PRSS41: variants seen among roughly 807,000 people sequenced by gnomAD.
PRSS41 encodes the protein protease, serine 41.
In PRSS41, 37 loss-of-function variants were observed where a neutral mutation model predicts 28.8. The observed-to-expected ratio is 1.29, with a 90% CI of 0.99 to 1.69. The LOEUF is 1.69. PRSS41 is among the 40% of genes most tolerant of loss of function. PRSS41 has a pLI of 0.00. For missense variants in PRSS41, 431 were observed against 400.7 expected (o/e 1.08, Z -0.65); for synonymous variants, 195 against 163.1 (o/e 1.20, Z -1.49).
At chr16:2,798,996 G>A in exon 3 of PRSS41, 6 of 1,532,028 alleles carry the variant, frequency 3.9e-6, no homozygotes, top group Non-Finnish European at 4.4e-6. Context: ...CGCTGGTGGC[G>A]GGCGGAGTGG....
chr16:2,802,497 T>C (rs1048677472), intron 4 of PRSS41, among the ~76,000 whole-genome samples: 1 of 152,146 alleles, frequency 6.6e-6, no homozygotes, highest in Admixed American at 6.5e-5. Context: ...GGGCAGAGGC[T>C]GCAATCTCGG....
intron 4 of PRSS41, among the ~76,000 whole-genome samples, chr16:2,801,756 G>T (rs1439093463): frequency 6.6e-6 from 1 of 151,926 alleles, no homozygotes; most frequent in Non-Finnish European, 1.5e-5. Context: ...ACACAGACAC[G>T]GCAACCATCC....
chr16:2,799,218 G>A, intron 3 of PRSS41, 68 bp from the exon 4 acceptor site: 2 of 1,524,986 alleles, frequency 1.3e-6, no homozygotes, highest in African/African-American at 1.4e-5. Flanking sequence ...CAGGGACTGG[G>A]CCTCCAGCGT....
exon 6 of PRSS41, chr16:2,805,195 C>G: frequency 1.5e-6 from 2 of 1,320,780 alleles, no homozygotes; most frequent in Middle Eastern, 2.2e-4. Flanking sequence ...ACAGTATTGG[C>G]TCACCTCCTC....
At chr16:2,800,254 G>C (rs1212129904) in intron 4 of PRSS41, among the ~76,000 whole-genome samples, 1 of 152,118 alleles carries the variant, frequency 6.6e-6, no homozygotes, top group Non-Finnish European at 1.5e-5. Flanking sequence ...TGGCATAAAA[G>C]ATAAAAACCA....
chr16:2,805,062 T>C, exon 6 of PRSS41: 1 of 1,552,660 alleles, frequency 6.4e-7, no homozygotes, highest in Non-Finnish European at 8.7e-7. Flanking sequence ...CGGAGGGTGA[T>C]GTCCCACAGT....
chr16:2,803,036 T>C (rs1027333256), intron 4 of PRSS41, among the ~76,000 whole-genome samples: 2 of 152,036 alleles, frequency 1.3e-5, no homozygotes, highest in African/African-American at 4.8e-5. Context: ...TCACTGGATC[T>C]AAAGTGACTC....
At chr16:2,801,908 T>A (rs1194150132) in intron 4 of PRSS41, among the ~76,000 whole-genome samples, 7 of 130,124 alleles carry the variant, frequency 5.4e-5, no homozygotes, top group East Asian at 2.6e-4. Context: ...CACTTCCCAG[T>A]AGGGGCGGCC....
In PRSS41 at chr16:2,804,318, C is replaced by G. The variant is rs1269402301; in HGVS notation, c.542-71C>G. On this transcript the variant is annotated intron_variant, in intron 4 of 5. Coordinates refer to ENST00000399677, the Ensembl canonical transcript of PRSS41. ...TCTCCCCACCCCTATAACACATGCC[C>G]TTTCTCCTCTCCCTGCTCCAGATAG... is the stretch of plus-strand genomic sequence containing the variant. The G allele has an allele frequency of 2.6e-6, 4 of 1,513,860 alleles. No individual in the cohort carries two copies. In the African/African-American group the frequency reaches 5.5e-5, roughly 21 times the overall value. The allele number at this position is 1,513,860 out of a possible 1,614,324, so 93.8% of individuals were successfully genotyped here. A position where few individuals can be genotyped will look rare whatever the true frequency, so the allele number is the denominator to read the frequency against.
intron 4 of PRSS41, among the ~76,000 whole-genome samples, chr16:2,801,347 T>A (rs565478836): frequency 6.6e-5 from 10 of 151,890 alleles, no homozygotes; most frequent in South Asian, 4.2e-4. Flanking sequence ...TTTTTTTTTT[T>A]AATTTTTTTT....
At position 2,799,306 on chromosome 16, in the gene PRSS41, G is replaced by A; in HGVS notation, c.278G>A (p.Trp93Ter). The A allele has an allele frequency of 6.4e-7, 1 of 1,551,594 alleles. No individual in the cohort carries two copies. ...GCTAGGCACTACTATCCCTCCGAGT[G>A]GACGGTCCAGCTGGGCGAGCTGACT... The change falls in exon 4 of 6, where the codon TGG becomes TAG. Residue 93 changes from tryptophan to a stop codon, truncating the protein, a stop_gained. Coordinates refer to ENST00000399677, the Ensembl canonical transcript of PRSS41. LOFTEE classifies it high-confidence loss of function.
At chr16:2,798,689 A>T in intron 2 of PRSS41, 27 bp downstream of exon 2, 1 of 1,445,750 alleles carries the variant, frequency 6.9e-7, no homozygotes, top group Non-Finnish European at 9.1e-7. Context: ...GCGCGATGCC[A>T]GCCAGGGCGG....
At chr16:2,803,625 G>C (rs2069003259) in intron 4 of PRSS41, among the ~76,000 whole-genome samples, 1 of 152,204 alleles carries the variant, frequency 6.6e-6, no homozygotes, top group Non-Finnish European at 1.5e-5. Flanking sequence ...ATTTACCTAT[G>C]TAGTTGTCTT....
At chr16:2,805,249 G>GA in exon 6 of PRSS41, 1 of 748,686 alleles carries the variant, frequency 1.3e-6, no homozygotes, top group Non-Finnish European at 2.2e-6. Flanking sequence ...CTGCCTGCTG[G>GA]ATCAGATTCC....
At chr16:2,804,301 C>A in intron 4 of PRSS41, 88 bp from the exon 5 acceptor site, 1 of 1,432,910 alleles carries the variant, frequency 7.0e-7, no homozygotes. Flanking sequence ...CTTCTCCCCA[C>A]CCCTATAACA....
chr16:2,804,496 G>A (rs1050602558), exon 5 of PRSS41: 5 of 1,551,370 alleles, frequency 3.2e-6, no homozygotes, highest in African/African-American at 2.7e-5. Context: ...TATGATCTGG[G>A]ATTCCATGTT....
At chr16:2,799,029 A>G in exon 3 of PRSS41, 2 of 1,531,566 alleles carry the variant, frequency 1.3e-6, no homozygotes, top group East Asian at 2.5e-5. Flanking sequence ...GGCGCTGGCC[A>G]TGGCAGGCCA....
chr16:2,804,846 C>T, intron 5 of PRSS41, 68 bp from the exon 6 acceptor site: 1 of 1,241,690 alleles, frequency 8.1e-7, no homozygotes, highest in African/African-American at 1.5e-5. Flanking sequence ...ACAGCCCCTC[C>T]TGCTCTCATG....
intron 5 of PRSS41, 148 bp from the exon 6 acceptor site, chr16:2,804,766 T>G: frequency 1.2e-6 from 1 of 812,264 alleles, no homozygotes; most frequent in East Asian, 2.7e-5. Context: ...TTGCCCCACT[T>G]TGAAAGTGTA....
Sources: gnomAD v4.1 joint callset for allele counts (sites outside exome capture counted in the v4.1 genomes callset) on GRCh38, gnomAD v4.1.1 for gene constraint, MANE v1.5 for transcripts, NCBI Gene and HGNC (gene_info 2026-07-23, HGNC 2026-07-21) for gene names.